The following ERN1 variants were observed in gnomAD, a reference collection of about 807,000 sequenced individuals.
The protein encoded by ERN1 is serine/threonine-protein kinase/endoribonuclease IRE1.
ERN1 carries 39 observed loss-of-function variants against 113.1 expected under a neutral mutation model. The ratio of observed to expected loss-of-function variants is 0.34; its 90% CI spans 0.27 to 0.45. The LOEUF (loss-of-function observed/expected upper bound fraction) is 0.45, where lower values mean the gene tolerates loss of function less well. Among genes scored for constraint, ERN1 ranks in the 20% least tolerant of loss-of-function variants. The probability of loss-of-function intolerance (pLI) is 1.00; values close to 1 mark genes in which losing one functional copy is unlikely to be tolerated. For synonymous variants in ERN1, 507 were observed against 515.9 expected (o/e 0.98, Z 0.23); for missense variants, 976 against 1,274.8 (o/e 0.77, Z 3.57).
At chr17:64,076,226 T>C (rs546490564) in intron 4 of ERN1, among the ~76,000 whole-genome samples, 175 of 152,342 alleles carry the variant, frequency 1.1e-3, no homozygotes, top group South Asian at 1.9e-3. Flanking sequence ...TTTGAAATTG[T>C]TCTATAGATA....
At chr17:64,075,005 C>A (rs1019790707) in intron 5 of ERN1, 170 bp downstream of exon 5, 2 of 600,136 alleles carry the variant, frequency 3.3e-6, no homozygotes, top group South Asian at 2.0e-5. Flanking sequence ...GTTGGGGGAG[C>A]CCTTTCTTAA....
In ERN1 at chr17:64,063,545, C is replaced by T. The variant is rs1913117926; in HGVS notation, c.1087+441G>A. Among the ~76,000 whole-genome samples, 1 of 152,190 alleles carries T rather than the reference C, an allele frequency of 6.6e-6. No homozygotes were observed. Among genetic ancestry groups the T allele is most frequent in the South Asian group, 2.1e-4 (1 of 4,828 alleles). On this transcript the variant is annotated intron_variant, in intron 10 of 21. Transcript: ENST00000433197. This position sits in a 1 kb window ranked among gnomAD's most constrained non-coding sequence, Gnocchi z 5.1. ...AATCCATCCTGGGATTTAATCCCTC[C>T]CGGGTCCTCAGCCCTCGCCTCTCCA...
chr17:64,106,715 TACACACACACACACACAC>T (rs58544303), intron 1 of ERN1, among the ~76,000 whole-genome samples: 71 of 103,436 alleles, frequency 6.9e-4, no homozygotes, highest in African/African-American at 2.1e-3. Context: ...CAGGGTTTCT[TACACACACACACACACAC>T]ACACACACAC....
At chr17:64,084,041 A>G (rs1913848641) in intron 2 of ERN1, among the ~76,000 whole-genome samples, 1 of 151,996 alleles carries the variant, frequency 6.6e-6, no homozygotes, top group Admixed American at 6.6e-5. Flanking sequence ...ATGCCTCTCT[A>G]TAACTTCCAC....
intron 1 of ERN1, among the ~76,000 whole-genome samples, chr17:64,105,914 C>T (rs1015893911): frequency 2.0e-5 from 3 of 151,166 alleles, no homozygotes; most frequent in Admixed American, 6.6e-5. Context: ...GAGATGGTGC[C>T]GTTGCACTCC....
In ERN1 at chr17:64,094,270, T is replaced by C. The variant is rs183609848; in HGVS notation, c.175+3851A>G. Among the ~76,000 whole-genome samples, 594 of 152,326 alleles carry C rather than the reference T, an allele frequency of 3.9e-3. 3 individuals are homozygous for C. The highest frequency in any genetic ancestry group is 5.7e-3 in the Admixed American group (88 of 15,306). On this transcript the variant is annotated intron_variant, in intron 2 of 21. Transcript: ENST00000433197. ...AGTTGCCGTGGCTATGGTGGTAAAC[T>C]ATCCTGCACTTGTCTCCATCTGCAT... is the stretch of plus-strand genomic sequence containing the variant.
At chr17:64,055,418 T>A (rs1174937708) in intron 13 of ERN1, among the ~76,000 whole-genome samples, 1 of 152,156 alleles carries the variant, frequency 6.6e-6, no homozygotes, top group African/African-American at 2.4e-5. Flanking sequence ...GCAGCTCACC[T>A]CTGGTCAGCC....
intron 11 of ERN1, 114 bp from the exon 12 acceptor site, chr17:64,058,107 GTT>G (rs909568473): frequency 1.3e-6 from 1 of 795,502 alleles, no homozygotes; most frequent in Non-Finnish European, 1.9e-6. Context: ...ACTGCAGGGG[GTT>G]TTATTTGTTT....
At chr17:64,111,392 G>C (rs74350284) in intron 1 of ERN1, among the ~76,000 whole-genome samples, 19 of 148,430 alleles carry the variant, frequency 1.3e-4, no homozygotes, top group Admixed American at 4.0e-4. Context: ...TTTGACTCTT[G>C]TTGTCTAAGC....
intron 7 of ERN1, 146 bp downstream of exon 7, chr17:64,068,044 A>G: frequency 1.6e-6 from 1 of 612,872 alleles, no homozygotes. Flanking sequence ...GGAAGTATTT[A>G]TGATAAGCCC....
At chr17:64,064,480 A>G (rs962715199) in intron 9 of ERN1, among the ~76,000 whole-genome samples, 4 of 152,234 alleles carry the variant, frequency 2.6e-5, no homozygotes, top group African/African-American at 7.2e-5. Flanking sequence ...GTCACAATCT[A>G]CGCAACCAAT....
rs1337107282 is a variant in ERN1, at chr17:64,054,730, C to A, written c.1763+8G>T. On this transcript the variant is annotated splice_region_variant and intron_variant, in intron 14 of 21. Coordinates refer to ENST00000433197, the MANE Select transcript of ERN1 (RefSeq NM_001433.5). The surrounding 1 kb of genome is among the most constrained non-coding windows in gnomAD (Gnocchi z 4.9). ...CGGTGAGGGCAGGGGGCTGGCTAAT[C>A]CACTCACCGGTACACAATTGTGCCC... is the stretch of plus-strand genomic sequence containing the variant. 3.1e-6 allele frequency: 5 copies of A among 1,598,594 alleles called. No individual in the cohort carries two copies. The highest frequency in any genetic ancestry group is 1.1e-5 in the South Asian group (1 of 88,170).
chr17:64,053,223 C>T (rs1274777378), intron 16 of ERN1, 49 bp downstream of exon 16: 3 of 1,493,114 alleles, frequency 2.0e-6, no homozygotes, highest in South Asian at 2.5e-5. Context: ...ACCTGGGCCA[C>T]TGATTCTCCC....
rs559890695 is a variant in ERN1 at position 64,104,091 on chromosome 17, A to G, written c.55-5850T>C. Among the ~76,000 whole-genome samples, 20 of 151,990 alleles carry G rather than the reference A, an allele frequency of 1.3e-4. No individual in the cohort carries two copies. The East Asian group carries it at 3.9e-3, about 29-fold the overall frequency. On this transcript the variant is annotated intron_variant, in intron 1 of 21. Coordinates refer to ENST00000433197, the MANE Select transcript of ERN1 (RefSeq NM_001433.5). ...CCATCTTGACAAAAAAAAAAAAATTAATTTGCCAGGTGTTGTGGTTTATGT... is the reference window on the plus strand; with the variant it reads ...CCATCTTGACAAAAAAAAAAAAATTGATTTGCCAGGTGTTGTGGTTTATGT...
chr17:64,118,961 A>C (rs1914881093), intron 1 of ERN1, among the ~76,000 whole-genome samples: 1 of 152,094 alleles, frequency 6.6e-6, no homozygotes, highest in Admixed American at 6.6e-5. Context: ...CTTGTGCTTT[A>C]ACTAACTCAC....
intron 1 of ERN1, among the ~76,000 whole-genome samples, chr17:64,117,022 G>C (rs12150598): frequency 6.6e-6 from 1 of 151,650 alleles, no homozygotes; most frequent in African/African-American, 2.4e-5. Flanking sequence ...TGAGGCAGGA[G>C]AATGGTGTGA....
chr17:64,076,604 CTTTTT>C (rs5821421), intron 4 of ERN1, among the ~76,000 whole-genome samples: 2 of 141,048 alleles, frequency 1.4e-5, no homozygotes, highest in Non-Finnish European at 3.1e-5. Context: ...AGGGCATCCT[CTTTTT>C]TTTTTTTTTT....
rs1475884741 is a variant in ERN1, at chr17:64,055,877, C to T, written c.1470G>A (p.Gln490=). Residue 490 remains glutamine, a synonymous_variant, in exon 13 of 22, where the codon CAG becomes CAA. Coordinates refer to ENST00000433197, the MANE Select transcript of ERN1 (RefSeq NM_001433.5). ...GGAAGGGCAGCTGCTGCTGCTGCTG[C>T]TGCAGGAGCTGGATCTTCTCCAGTT... ...QKELEKIQLL[Q]QQQQQLPFHP... is the part of the protein sequence containing the mutation. The T allele has an allele frequency of 4.5e-6, 7 of 1,551,158 alleles. No homozygotes were observed. Among genetic ancestry groups the T allele is most frequent in the African/African-American group, 1.4e-5 (1 of 73,030 alleles).
chr17:64,081,426 G>T (rs1913764685), intron 2 of ERN1, among the ~76,000 whole-genome samples: 1 of 152,138 alleles, frequency 6.6e-6, no homozygotes, highest in African/African-American at 2.4e-5. Flanking sequence ...GTACGTAGCA[G>T]CATTACAAAT....
Sources: allele counts gnomAD v4.1 joint callset (sites outside exome capture counted in the v4.1 genomes callset), GRCh38; gene constraint gnomAD v4.1.1; non-coding constraint Gnocchi (gnomAD v3.1); transcripts MANE v1.5; gene names NCBI Gene and HGNC (gene_info 2026-07-23, HGNC 2026-07-21).